TBX21: variants seen among roughly 807,000 people sequenced by gnomAD.
The protein encoded by TBX21 is T-box transcription factor 21.
TBX21 carries 11 observed loss-of-function variants against 52.2 expected under a neutral mutation model. The ratio of observed to expected loss-of-function variants is 0.21; its 90% CI spans 0.13 to 0.35. TBX21 has a LOEUF of 0.35. TBX21 is among the 10% of genes least tolerant of loss of function. The pLI, the probability that TBX21 is intolerant of heterozygous loss-of-function variation, is 1.00. For synonymous variants in TBX21, 300 were observed against 316.1 expected, an observed-to-expected ratio of 0.95 and a Z score of 0.54; for missense variants, 625 against 755.1, an observed-to-expected ratio of 0.83 and a Z score of 2.02.
At chr17:47,735,504 C>T (rs1301357370) in intron 1 of TBX21, among the ~76,000 whole-genome samples, 1 of 152,200 alleles carries the variant, frequency 6.6e-6, no homozygotes, top group Non-Finnish European at 1.5e-5. Flanking sequence ...CTGTCCCTCT[C>T]ACTGCACAGA....
At position 47,733,299 on chromosome 17, in the gene TBX21, A is replaced by G. The variant is rs916283132; in HGVS notation, c.-156A>G. 4.7e-6 allele frequency: 5 copies of G among 1,058,902 alleles called. No individual in the cohort carries two copies. In the Admixed American group the frequency reaches 1.7e-4, roughly 36 times the overall value. The allele number at this position is 1,058,902 out of a possible 1,614,324, so 65.6% of individuals were successfully genotyped here. A position where few individuals can be genotyped will look rare whatever the true frequency, so the allele number is the denominator to read the frequency against. ...CCGCGCGCCTGCCGGACGAGGGCGT[A>G]GAAGCCAGGCGTCAGAGCCCGGGCT... On this transcript the variant is annotated 5_prime_UTR_variant, in exon 1 of 6. Coordinates refer to ENST00000177694, the MANE Select transcript of TBX21 (RefSeq NM_013351.2). The surrounding 1 kb of genome is among the most constrained non-coding windows in gnomAD (Gnocchi z 6.6).
chr17:47,744,004 T>C (rs1005586590), intron 3 of TBX21, among the ~76,000 whole-genome samples, 191 bp from the exon 4 acceptor site: 1 of 152,026 alleles, frequency 6.6e-6, no homozygotes, highest in Non-Finnish European at 1.5e-5. Context: ...GAGGCTAGAA[T>C]TGGTGCCCCA....
rs924683288 is a variant in TBX21, at chr17:47,742,344, A to G, written c.492-266A>G. On this transcript the variant is annotated intron_variant, in intron 1 of 5. Coordinates refer to ENST00000177694, the MANE Select transcript of TBX21 (RefSeq NM_013351.2). This position sits in a 1 kb window ranked among gnomAD's most constrained non-coding sequence, Gnocchi z 4.4. ...TGATCCGCCCGCCTTGGCCTCTCAA[A>G]GTGCTGGGATTACAGGCATGAGCCA... Among the ~76,000 whole-genome samples the G allele has an allele frequency of 6.6e-6, 1 of 152,146 alleles. No individual in the cohort carries two copies. Among genetic ancestry groups the G allele is most frequent in the Non-Finnish European group, 1.5e-5 (1 of 68,024 alleles).
In TBX21 at chr17:47,746,015, T is replaced by C. The variant is rs2032330944; in HGVS notation, c.*649T>C. 2 of 151,160 alleles carry C rather than the reference T, an allele frequency of 1.3e-5. No homozygotes were observed. The highest frequency in any genetic ancestry group is 4.2e-4 in the South Asian group (2 of 4,810). The allele number at this position is 151,160 out of a possible 1,614,324, so 9.4% of individuals were successfully genotyped here. A position where few individuals can be genotyped will look rare whatever the true frequency, so the allele number is the denominator to read the frequency against. On this transcript the variant is annotated 3_prime_UTR_variant, in exon 6 of 6. Coordinates refer to ENST00000177694, the MANE Select transcript of TBX21 (RefSeq NM_013351.2). ...GGTGTGTGTTTTTTCTTTTTCTTTCTTTTTATTTTTTTTGAATGGGGGAGG... is the reference window on the plus strand; with the variant it reads ...GGTGTGTGTTTTTTCTTTTTCTTTCCTTTTATTTTTTTTGAATGGGGGAGG...
chr17:47,744,255 G>T lies in TBX21; in HGVS notation c.829G>T (p.Asp277Tyr). The stretch of plus-strand genomic sequence containing the variant: ...CCGGCTGCATATCGTTGAGGTGAAC[G>T]ACGGAGAGCCAGAGGCAGCCTGCAA... ...QPRLHIVEVN[D>Y]GEPEAACNAS... The change falls in exon 4 of 6, where the codon GAC (aspartate) becomes TAC (tyrosine). Residue 277 changes from aspartate to tyrosine, a missense_variant. By Grantham distance (160) the Asp-to-Tyr change is radical (BLOSUM62 -3). Transcript: ENST00000177694. The T allele has an allele frequency of 6.2e-7, 1 of 1,614,200 alleles. No homozygotes were observed.
At chr17:47,734,355 G>C (rs1360303212) in intron 1 of TBX21, among the ~76,000 whole-genome samples, 1 of 152,104 alleles carries the variant, frequency 6.6e-6, no homozygotes, top group Non-Finnish European at 1.5e-5. Context: ...GAGGGGAAGG[G>C]AGCCCCTTAT....
At position 47,742,526 on chromosome 17, in the gene TBX21, A is replaced by G; in HGVS notation, c.492-84A>G. 6.8e-7 allele frequency: 1 copy of G among 1,463,182 alleles called. No individual in the cohort carries two copies. The highest frequency in any genetic ancestry group is 9.1e-7 in the Non-Finnish European group (1 of 1,094,774). 90.6% of individuals were successfully genotyped at this position (1,463,182 alleles called of 1,614,324 possible). A position where few individuals can be genotyped will look rare whatever the true frequency, so the allele number is the denominator to read the frequency against. On this transcript the variant is annotated intron_variant, in intron 1 of 5. Coordinates refer to ENST00000177694, the MANE Select transcript of TBX21 (RefSeq NM_013351.2). The surrounding 1 kb of genome is among the most constrained non-coding windows in gnomAD (Gnocchi z 4.4). ...GGGAGGAAGCCGGCTACAGCACACC[A>G]CTGATGCCTGGGCACTGTTGCAGGG...
chr17:47,744,183 C>T lies in TBX21; in HGVS notation c.769-12C>T, dbSNP rs779857854. 1.9e-6 allele frequency: 3 copies of T among 1,613,538 alleles called. No individual in the cohort carries two copies. The highest frequency in any genetic ancestry group is 2.2e-5 in the South Asian group (2 of 91,014). ...CCTCCCCACCCCTACAACCGTCTTG[C>T]TCTGTCTACAGATGATTGTGCTCCA... On this transcript the variant is annotated splice_polypyrimidine_tract_variant and intron_variant, in intron 3 of 5. Transcript: ENST00000177694.
Position 47,745,317 on chromosome 17 carries a change from C to T in TBX21, c.1559C>T (p.Pro520Leu). The T allele has an allele frequency of 1.2e-6, 2 of 1,610,152 alleles. No individual in the cohort carries two copies. The highest frequency in any genetic ancestry group is 1.7e-6 in the Non-Finnish European group (2 of 1,178,910). The change falls in exon 6 of 6, where the codon CCT becomes CTT. Residue 520 changes from proline to leucine, a missense_variant. By Grantham distance (98) the Pro-to-Leu change is moderately conservative (BLOSUM62 -3). Coordinates refer to ENST00000177694, the MANE Select transcript of TBX21 (RefSeq NM_013351.2). ...TCCTCCCCTGCTGGGGCCCCTTCTC[C>T]TTTTGATAAGGAAGCTGAAGGACAG... ...DSSSPAGAPSPFDKEAEGQFY... is the reference protein window; with the variant it reads ...DSSSPAGAPSLFDKEAEGQFY...
chr17:47,745,447 T>A lies in TBX21; in HGVS notation c.*81T>A. The A allele has an allele frequency of 6.6e-7, 1 of 1,505,902 alleles. No homozygotes were observed. 93.3% of individuals were successfully genotyped at this position (1,505,902 alleles called of 1,614,324 possible). A position where few individuals can be genotyped will look rare whatever the true frequency, so the allele number is the denominator to read the frequency against. On this transcript the variant is annotated 3_prime_UTR_variant, in exon 6 of 6. Transcript: ENST00000177694. ...CTAATTTGGGAAACGGATGAAGGAC[T>A]GAGAAGGCCCCCGCTCCCTCTGGCC... is the stretch of plus-strand genomic sequence containing the variant.
At chr17:47,735,345 C>T (rs932934727) in intron 1 of TBX21, among the ~76,000 whole-genome samples, 11 of 152,128 alleles carry the variant, frequency 7.2e-5, no homozygotes, top group African/African-American at 2.7e-4. Context: ...GGAAAGTTGG[C>T]GTGTTCTTTG....
intron 1 of TBX21, among the ~76,000 whole-genome samples, chr17:47,736,612 C>T (rs1307748810): frequency 1.3e-5 from 2 of 152,090 alleles, no homozygotes; most frequent in South Asian, 2.1e-4. Flanking sequence ...ATAGACCCCA[C>T]GCTGCCATGG....
At position 47,742,862 on chromosome 17, in the gene TBX21, A is replaced by T; in HGVS notation, c.646+98A>T. Reference sequence around the variant, plus strand: ...CCTACCCCTAATTCCTAGACCTTTAACCCCCTCCCACTCCATCCCACGCCA... The same window carrying T: ...CCTACCCCTAATTCCTAGACCTTTATCCCCCTCCCACTCCATCCCACGCCA... On this transcript the variant is annotated intron_variant, in intron 2 of 5. Transcript: ENST00000177694. The surrounding 1 kb of genome is among the most constrained non-coding windows in gnomAD (Gnocchi z 4.4). The T allele has an allele frequency of 1.4e-6, 2 of 1,452,534 alleles. No homozygotes were observed. The highest frequency in any genetic ancestry group is 1.4e-5 in the South Asian group (1 of 71,774). 90.0% of individuals were successfully genotyped at this position (1,452,534 alleles called of 1,614,324 possible). A position where few individuals can be genotyped will look rare whatever the true frequency, so the allele number is the denominator to read the frequency against.
Position 47,745,161 on chromosome 17 carries a change from C to A in TBX21, c.1403C>A (p.Pro468Gln). The A allele has an allele frequency of 6.2e-7, 1 of 1,614,178 alleles. No homozygotes were observed. The highest frequency in any genetic ancestry group is 8.5e-7 in the Non-Finnish European group (1 of 1,180,026). ...PGPGGSEGRG[P>Q]EDQGPPLVWT... ...CCTGGAGGCTCAGAGGGACGGGGAC[C>A]AGAGGACCAGGGTCCCCCCTTGGTG... Residue 468 changes from proline to glutamine, a missense_variant, in exon 6 of 6, where the codon CCA (proline) becomes CAA (glutamine). By Grantham distance (76) the Pro-to-Gln change is moderately conservative (BLOSUM62 -1). Transcript: ENST00000177694.
At chr17:47,743,882 AAAAAAAAAAAAAAGAAAAAAG>A (rs2032296340) in intron 3 of TBX21, among the ~76,000 whole-genome samples, 1 of 150,348 alleles carries the variant, frequency 6.7e-6, no homozygotes, top group African/African-American at 2.4e-5. Flanking sequence ...TCCGTCTCAA[AAAAAAAAAAAAAAGAAAAAAG>A]AAAAAAGAAA....
chr17:47,741,453 A>G (rs796716493), intron 1 of TBX21, among the ~76,000 whole-genome samples: 44 of 151,842 alleles, frequency 2.9e-4, no homozygotes, highest in African/African-American at 9.7e-4. Flanking sequence ...ACAGCATCCC[A>G]CCCCCTAACT....
intron 3 of TBX21, 141 bp downstream of exon 3, chr17:47,743,333 G>C: frequency 8.4e-7 from 1 of 1,195,802 alleles, no homozygotes; most frequent in Non-Finnish European, 1.1e-6. Context: ...TTTTTCTTCT[G>C]TCCTAAACGA....
At chr17:47,743,006 C>T in intron 2 of TBX21, 65 bp from the exon 3 acceptor site, 4 of 1,595,186 alleles carry the variant, frequency 2.5e-6, no homozygotes, top group Non-Finnish European at 3.4e-6. Flanking sequence ...TCGGGACAGG[C>T]AAAGCCCTAC....
In TBX21 at chr17:47,742,817, C is replaced by T; in HGVS notation, c.646+53C>T. ...TCTGTTTCGCTGGGACTGGGCGCCC[C>T]CTGGTGGGCCCACCAAGCCCCTACC... is the stretch of plus-strand genomic sequence containing the variant. On this transcript the variant is annotated intron_variant, in intron 2 of 5. Coordinates refer to ENST00000177694, the MANE Select transcript of TBX21 (RefSeq NM_013351.2). This position sits in a 1 kb window ranked among gnomAD's most constrained non-coding sequence, Gnocchi z 4.4. 1.3e-6 allele frequency: 2 copies of T among 1,516,448 alleles called. No homozygotes were observed. The highest frequency in any genetic ancestry group is 2.1e-5 in the Admixed American group (1 of 48,050). The allele number at this position is 1,516,448 out of a possible 1,614,324, so 93.9% of individuals were successfully genotyped here.
Sources: allele counts gnomAD v4.1 joint callset (sites outside exome capture counted in the v4.1 genomes callset), GRCh38; gene constraint gnomAD v4.1.1; non-coding constraint Gnocchi (gnomAD v3.1); transcripts MANE v1.5; gene names NCBI Gene and HGNC (gene_info 2026-07-23, HGNC 2026-07-21).